The following WDPCP variants were observed in gnomAD, a reference collection of about 807,000 sequenced individuals.
WDPCP encodes WD repeat containing planar cell polarity effector, also known as WD repeat-containing and planar cell polarity effector protein fritz homolog.
Under a neutral mutation model 93.1 loss-of-function variants are expected in WDPCP, and 71 were observed. That is an observed-to-expected ratio of 0.76 (90% CI 0.63 to 0.93). WDPCP has a LOEUF of 0.93. Among genes scored for constraint, WDPCP ranks in the 40% least tolerant of loss-of-function variants. The pLI, the probability that WDPCP is intolerant of heterozygous loss-of-function variation, is 0.00. For missense variants in WDPCP, 844 were observed against 887.4 expected (o/e 0.95, Z 0.62); for synonymous variants, 315 against 315.0 (o/e 1.00, Z 0.00).
intron 13 of WDPCP, among the ~76,000 whole-genome samples, chr2:63,266,442 A>T (rs961858834): frequency 2.6e-5 from 4 of 152,234 alleles, no homozygotes; most frequent in Non-Finnish European, 5.9e-5. Flanking sequence ...AAATTTAACC[A>T]AACAGATGAA....
At chr2:63,712,211 G>A (rs1669273555) in intron 2 of WDPCP, among the ~76,000 whole-genome samples, 1 of 152,186 alleles carries the variant, frequency 6.6e-6, no homozygotes, top group South Asian at 2.1e-4. Context: ...CAGCTGAAAG[G>A]ATATTGCCTG....
At position 63,490,595 on chromosome 2, in the gene WDPCP, T is replaced by C. The variant is rs1019926519; in HGVS notation, c.160+2261A>G. 7.2e-5 allele frequency among the ~76,000 whole-genome samples: 11 copies of C among 152,122 alleles called. 1 individual carries two copies. The highest frequency in any genetic ancestry group is 1.3e-4 in the Non-Finnish European group (9 of 68,014). The stretch of plus-strand genomic sequence containing the variant: ...AAGGTTAAATAGAAGAATGTCCCAA[T>C]AGAGAGAATGGGTAGGCCCTGCAAA... On this transcript the variant is annotated intron_variant, in intron 2 of 17. Transcript: ENST00000272321.
At chr2:63,730,559 G>A (rs780956152) in intron 2 of WDPCP, among the ~76,000 whole-genome samples, 2 of 152,036 alleles carry the variant, frequency 1.3e-5, no homozygotes, top group African/African-American at 2.4e-5. Flanking sequence ...CTCCTCCCGC[G>A]TTCAAGTGAT....
chr2:63,724,318 T>A (rs953389307), intron 2 of WDPCP, among the ~76,000 whole-genome samples: 1 of 152,192 alleles, frequency 6.6e-6, no homozygotes, highest in African/African-American at 2.4e-5. Context: ...TCAGCCTTTT[T>A]TTTTTCATCT....
At chr2:63,840,228 G>A in the WDPCP span, among the ~76,000 whole-genome samples, 1 of 152,216 alleles carries the variant, frequency 6.6e-6, no homozygotes, top group Admixed American at 6.5e-5. Context: ...AGATGCAGGT[G>A]GGGTTGACGG....
intron 9 of WDPCP, among the ~76,000 whole-genome samples, chr2:63,407,556 GT>G (rs1263479563): frequency 6.6e-6 from 1 of 152,074 alleles, no homozygotes; most frequent in Non-Finnish European, 1.5e-5. Flanking sequence ...CTTCATTCAT[GT>G]TTTTTGCCTG....
chr2:63,549,932 A>G (rs1031730492), intron 1 of WDPCP, among the ~76,000 whole-genome samples: 14 of 151,968 alleles, frequency 9.2e-5, no homozygotes, highest in African/African-American at 3.4e-4. Context: ...ATGCAGTAAT[A>G]ATGTGCTCAC....
chr2:63,404,799 T>C, intron 9 of WDPCP, 142 bp from the exon 10 acceptor site: 1 of 941,056 alleles, frequency 1.1e-6, no homozygotes, highest in South Asian at 1.5e-5. Flanking sequence ...GTATATAAAG[T>C]ACATATAGCA....
chr2:63,800,752 C>G (rs551586867), intron 2 of WDPCP, among the ~76,000 whole-genome samples: 11 of 152,176 alleles, frequency 7.2e-5, no homozygotes, highest in Non-Finnish European at 1.6e-4. Flanking sequence ...TAAAATTCAG[C>G]AATTTAAAAT....
intron 2 of WDPCP, among the ~76,000 whole-genome samples, chr2:63,799,871 G>A (rs753179261): frequency 1.3e-5 from 2 of 152,048 alleles, no homozygotes; most frequent in African/African-American, 2.4e-5. Flanking sequence ...AACTCAATTC[G>A]TTCAGTATAA....
chr2:63,316,611 C>T (rs1686661894), intron 12 of WDPCP, among the ~76,000 whole-genome samples: 1 of 151,554 alleles, frequency 6.6e-6, no homozygotes, highest in Non-Finnish European at 1.5e-5. Flanking sequence ...TGAGATTGTG[C>T]CACTGCATTC....
chr2:63,561,273 T>A (rs1324694536), intron 1 of WDPCP, among the ~76,000 whole-genome samples: 1 of 152,040 alleles, frequency 6.6e-6, no homozygotes, highest in African/African-American at 2.4e-5. Flanking sequence ...GGTCAGGAGA[T>A]TGAGACCATC....
chr2:63,343,141 C>T (rs935503847), intron 12 of WDPCP, among the ~76,000 whole-genome samples: 5 of 152,210 alleles, frequency 3.3e-5, no homozygotes, highest in Middle Eastern at 3.4e-3. Context: ...GCTGGGATTA[C>T]GGGCTTGTAC....
intron 2 of WDPCP, among the ~76,000 whole-genome samples, chr2:63,680,340 C>T (rs968107143): frequency 6.6e-6 from 1 of 152,232 alleles, no homozygotes; most frequent in African/African-American, 2.4e-5. Flanking sequence ...CCCCCTCCCC[C>T]ATTCAGCAGC....
In WDPCP at chr2:63,382,050, G is replaced by C; in HGVS notation, c.1480C>G (p.Gln494Glu). ...GQLGLIDIIF[Q>E]YIHCDEIYEA... The stretch of plus-strand genomic sequence containing the variant: ...TAGATCTCATCACAGTGAATGTACT[G>C]GAAGATGATGTCTATCAGGCCCAGC... The change falls in exon 11 of 18, where the codon CAG (glutamine) becomes GAG (glutamate). Residue 494 changes from glutamine to glutamate, a missense_variant. By Grantham distance (29) the Gln-to-Glu change is conservative (BLOSUM62 2). Transcript: ENST00000272321. 7 of 1,613,260 alleles carry C rather than the reference G, an allele frequency of 4.3e-6. No homozygotes were observed. Among genetic ancestry groups the C allele is most frequent in the Non-Finnish European group, 5.9e-6 (7 of 1,179,646 alleles).
At chr2:63,295,343 C>T (rs981088598) in intron 13 of WDPCP, among the ~76,000 whole-genome samples, 1 of 151,854 alleles carries the variant, frequency 6.6e-6, no homozygotes, top group Non-Finnish European at 1.5e-5. Context: ...AATCAAAAGA[C>T]ATATTAACAG....
At chr2:63,253,824 C>T (rs1203625166) in intron 14 of WDPCP, among the ~76,000 whole-genome samples, 1 of 152,108 alleles carries the variant, frequency 6.6e-6, no homozygotes, top group Non-Finnish European at 1.5e-5. Flanking sequence ...GGAAAACAGT[C>T]TGGAGATTTC....
At chr2:63,360,233 C>T (rs941874151) in intron 12 of WDPCP, among the ~76,000 whole-genome samples, 1 of 152,108 alleles carries the variant, frequency 6.6e-6, no homozygotes, top group African/African-American at 2.4e-5. Context: ...GCTTTGAATT[C>T]GATTTTAGGC....
intron 6 of WDPCP, among the ~76,000 whole-genome samples, chr2:63,471,617 T>G (rs1394940925): frequency 6.6e-6 from 1 of 152,196 alleles, no homozygotes; most frequent in Non-Finnish European, 1.5e-5. Context: ...ACCATATCTC[T>G]TATTATCTCT....
Sources: allele counts gnomAD v4.1 joint callset (sites outside exome capture counted in the v4.1 genomes callset), GRCh38; gene constraint gnomAD v4.1.1; transcripts MANE v1.5; gene names NCBI Gene and HGNC (gene_info 2026-07-23, HGNC 2026-07-21).